Variants in LARP1B observed in about 807,000 individuals in gnomAD.
LARP1B encodes la-related protein 1B.
In LARP1B, 76 loss-of-function variants were observed where a neutral mutation model predicts 114.2. That is an observed-to-expected ratio of 0.67 (90% CI 0.55 to 0.81). The LOEUF (loss-of-function observed/expected upper bound fraction) is 0.81, where lower values mean the gene tolerates loss of function less well. Ranked by LOEUF, LARP1B falls within the 30% of genes least tolerant of loss-of-function variation. The pLI, the probability that LARP1B is intolerant of heterozygous loss-of-function variation, is 0.00. For synonymous variants in LARP1B, 345 were observed against 348.0 expected (o/e 0.99, Z 0.10); for missense variants, 1,014 against 1,075.8 (o/e 0.94, Z 0.80).
At chr4:128,213,980 G>C (rs1759316315), downstream of LARP1B, among the ~76,000 whole-genome samples, 1 of 151,708 alleles carries the variant, frequency 6.6e-6, no homozygotes, top group Admixed American at 6.6e-5. Flanking sequence ...GCGAGGCATT[G>C]CCTCACCTGG....
intron 3 of LARP1B, among the ~76,000 whole-genome samples, chr4:128,076,090 T>C (rs1353557503): frequency 6.6e-6 from 1 of 152,174 alleles, no homozygotes; most frequent in Non-Finnish European, 1.5e-5. Flanking sequence ...TTCAGCTCAC[T>C]GCAACCTCCG....
chr4:128,178,058 A>G (rs56088257), intron 13 of LARP1B, among the ~76,000 whole-genome samples: 1,911 of 148,622 alleles, frequency 0.013, 52 homozygotes, highest in African/African-American at 0.045. Flanking sequence ...ATATATATAT[A>G]TAGCATTATG....
chr4:128,125,452 A>G (rs1580733716), intron 11 of LARP1B, among the ~76,000 whole-genome samples: 1 of 152,372 alleles, frequency 6.6e-6, no homozygotes, highest in East Asian at 1.9e-4. Flanking sequence ...GGGACTCTGT[A>G]AAGAATATTT....
chr4:128,178,102 A>G (rs1355900871), intron 13 of LARP1B, among the ~76,000 whole-genome samples: 2 of 150,140 alleles, frequency 1.3e-5, no homozygotes, highest in Non-Finnish European at 3.0e-5. Context: ...ATAATATTAC[A>G]TATATGTAAT....
intron 8 of LARP1B, among the ~76,000 whole-genome samples, chr4:128,105,066 GT>G (rs1488003313): frequency 6.3e-5 from 6 of 95,930 alleles, no homozygotes; most frequent in Admixed American, 1.2e-4. Flanking sequence ...GTTTCAAGGA[GT>G]TTTTTTTTTG....
At chr4:128,135,723 A>C (rs1396962593) in intron 11 of LARP1B, among the ~76,000 whole-genome samples, 1 of 152,214 alleles carries the variant, frequency 6.6e-6, no homozygotes, top group Non-Finnish European at 1.5e-5. Flanking sequence ...AAAGTGGTGA[A>C]GTTTATAGAA....
At chr4:128,108,653 T>C (rs1580493645) in intron 9 of LARP1B, 1 of 985,012 alleles carries the variant, frequency 1.0e-6, no homozygotes, top group East Asian at 1.1e-4. Context: ...TTTTAGCTAG[T>C]GGTTTTTAAT....
chr4:128,185,533 TG>T (rs1476619147), intron 15 of LARP1B, among the ~76,000 whole-genome samples: 1 of 96,552 alleles, frequency 1.0e-5, no homozygotes, highest in African/African-American at 2.9e-5. Flanking sequence ...TTATTTGTAT[TG>T]TTTTTTTTTT....
intron 15 of LARP1B, among the ~76,000 whole-genome samples, chr4:128,184,657 T>C (rs1248790311): frequency 6.6e-6 from 1 of 152,238 alleles, no homozygotes; most frequent in Non-Finnish European, 1.5e-5. Context: ...ATGGTTATTC[T>C]ACTGTACTAT....
intron 17 of LARP1B, among the ~76,000 whole-genome samples, chr4:128,204,030 G>A (rs1756842741): frequency 1.3e-5 from 2 of 152,128 alleles, no homozygotes; most frequent in Admixed American, 1.3e-4. Flanking sequence ...GTGTATTTGG[G>A]TTGTGTTATT....
At chr4:128,104,765 T>C (rs531403311) in intron 8 of LARP1B, among the ~76,000 whole-genome samples, 1 of 152,250 alleles carries the variant, frequency 6.6e-6, no homozygotes, top group African/African-American at 2.4e-5. Flanking sequence ...TTTTCTATGC[T>C]CCTATTGATA....
intron 12 of LARP1B, among the ~76,000 whole-genome samples, chr4:128,165,334 A>C (rs2150477531): frequency 6.6e-6 from 1 of 151,950 alleles, no homozygotes; most frequent in Middle Eastern, 3.4e-3. Flanking sequence ...ATATGAACAG[A>C]AAAATATAAA....
chr4:128,194,725 G>C (rs1369784750), intron 15 of LARP1B, among the ~76,000 whole-genome samples: 1 of 144,772 alleles, frequency 6.9e-6, no homozygotes, highest in African/African-American at 2.5e-5. Context: ...TTCTTGGCTG[G>C]ATGTGGTGGC....
intron 1 of LARP1B, among the ~76,000 whole-genome samples, chr4:128,068,664 C>T (rs967938007): frequency 5.9e-5 from 9 of 152,020 alleles, no homozygotes; most frequent in African/African-American, 2.2e-4. Flanking sequence ...TTCCCTGCCT[C>T]AGCCTCCCAA....
intron 15 of LARP1B, among the ~76,000 whole-genome samples, chr4:128,198,906 A>G (rs1755088397): frequency 6.6e-6 from 1 of 152,186 alleles, no homozygotes; most frequent in Non-Finnish European, 1.5e-5. Context: ...GAGAAGGAAA[A>G]GACAGATTTA....
chr4:128,125,403 C>T (rs1182554036), intron 11 of LARP1B, among the ~76,000 whole-genome samples: 1 of 152,238 alleles, frequency 6.6e-6, no homozygotes, highest in Non-Finnish European at 1.5e-5. Flanking sequence ...AATACACTTA[C>T]AGTGGAAGAA....
At chr4:128,155,234 A>G (rs1372013220) in intron 11 of LARP1B, among the ~76,000 whole-genome samples, 2 of 152,252 alleles carry the variant, frequency 1.3e-5, no homozygotes, top group Non-Finnish European at 2.9e-5. Context: ...AATTCAGATG[A>G]ACCCTATTGC....
intron 17 of LARP1B, among the ~76,000 whole-genome samples, chr4:128,203,495 T>C (rs1344584217): frequency 2.0e-5 from 3 of 152,182 alleles, no homozygotes; most frequent in African/African-American, 7.2e-5. Context: ...TGCCTCAGCC[T>C]CGTAAGTAGC....
intron 8 of LARP1B, among the ~76,000 whole-genome samples, chr4:128,098,767 ATTTTT>A (rs869184167): frequency 0.014 from 487 of 34,922 alleles, 28 homozygotes; most frequent in East Asian, 0.14. Flanking sequence ...ATATATATAT[ATTTTT>A]TTTTTTTTTT....
Sources: gnomAD v4.1 joint callset for allele counts (sites outside exome capture counted in the v4.1 genomes callset) on GRCh38, gnomAD v4.1.1 for gene constraint, MANE v1.5 for transcripts, NCBI Gene and HGNC (gene_info 2026-07-23, HGNC 2026-07-21) for gene names.